IGF2BP2: variants seen among roughly 807,000 people sequenced by gnomAD.
IGF2BP2 encodes insulin-like growth factor 2 mRNA-binding protein 2.
Under a neutral mutation model 75.8 loss-of-function variants are expected in IGF2BP2, and 17 were observed. That is an observed-to-expected ratio of 0.22 (90% CI 0.15 to 0.34). The LOEUF (loss-of-function observed/expected upper bound fraction) is 0.34, where lower values mean the gene tolerates loss of function less well. Ranked by LOEUF, IGF2BP2 falls within the 10% of genes least tolerant of loss-of-function variation. The pLI is 1.00. For missense variants in IGF2BP2, 516 were observed against 772.4 expected, an observed-to-expected ratio of 0.67 and a Z score of 3.93; for synonymous variants, 288 against 295.6, an observed-to-expected ratio of 0.97 and a Z score of 0.26.
At chr3:185,698,106 T>C (rs1390031520) in intron 3 of IGF2BP2, among the ~76,000 whole-genome samples, 193 bp downstream of exon 3, 1 of 152,148 alleles carries the variant, frequency 6.6e-6, no homozygotes, top group African/African-American at 2.4e-5. Context: ...GGGATCAAAG[T>C]ACACATTCTA....
chr3:185,747,251 T>C (rs971964370), intron 2 of IGF2BP2, among the ~76,000 whole-genome samples: 4 of 152,268 alleles, frequency 2.6e-5, no homozygotes, highest in Non-Finnish European at 5.9e-5. Context: ...TGTTAACATA[T>C]TTTAAAGCTC....
intron 4 of IGF2BP2, among the ~76,000 whole-genome samples, chr3:185,695,030 G>A (rs1051505035): frequency 6.6e-6 from 1 of 152,040 alleles, no homozygotes; most frequent in Non-Finnish European, 1.5e-5. Context: ...GAGGTTGCAG[G>A]GAGTAGAGAT....
chr3:185,786,227 C>T (rs1412388127), intron 2 of IGF2BP2, among the ~76,000 whole-genome samples: 1 of 152,066 alleles, frequency 6.6e-6, no homozygotes, highest in Non-Finnish European at 1.5e-5. Flanking sequence ...TCACTCCCCC[C>T]AAGAATCAAT....
At chr3:185,759,780 G>A (rs746409382) in intron 2 of IGF2BP2, among the ~76,000 whole-genome samples, 2 of 152,350 alleles carry the variant, frequency 1.3e-5, no homozygotes, top group Non-Finnish European at 2.9e-5. Flanking sequence ...AATTTCTCAT[G>A]AGCAAGGACT....
intron 2 of IGF2BP2, among the ~76,000 whole-genome samples, chr3:185,715,407 C>T (rs756405156): frequency 2.6e-5 from 4 of 152,206 alleles, no homozygotes; most frequent in African/African-American, 7.2e-5. Flanking sequence ...CGAATCATCA[C>T]GCCCCACACA....
chr3:185,768,092 T>C (rs1733337733), intron 2 of IGF2BP2, among the ~76,000 whole-genome samples: 1 of 152,228 alleles, frequency 6.6e-6, no homozygotes, highest in Non-Finnish European at 1.5e-5. Flanking sequence ...AGAAGGGTAC[T>C]GCTTTGTCTT....
rs71632076 is a variant in IGF2BP2 at position 185,730,428 on chromosome 3, CTTTTTTTTTTTT to C, written c.240-32093_240-32082del. 2.0e-4 allele frequency among the ~76,000 whole-genome samples: 19 copies of C among 96,768 alleles called. No individual in the cohort carries two copies. In the South Asian group the frequency reaches 7.7e-3, roughly 39 times the overall value. The allele number at this position is 96,768 out of a possible 152,430, so 63.5% of individuals were successfully genotyped here. A position where few individuals can be genotyped will look rare whatever the true frequency, so the allele number is the denominator to read the frequency against. ...ATGATAAACATACAAGCGCAGGTGT[CTTTTTTTTTTTT>C]TTTTTTTTTTTGAGACGGAGTTTGA... is the stretch of plus-strand genomic sequence containing the variant. On this transcript the variant is annotated intron_variant, in intron 2 of 15. Transcript: ENST00000382199.
chr3:185,772,728 T>A (rs1204953908), intron 2 of IGF2BP2, among the ~76,000 whole-genome samples: 1 of 152,012 alleles, frequency 6.6e-6, no homozygotes, highest in African/African-American at 2.4e-5. Context: ...ACTACAGGCA[T>A]GCGCCACCAT....
intron 2 of IGF2BP2, among the ~76,000 whole-genome samples, chr3:185,747,329 C>T (rs1440148242): frequency 2.0e-5 from 3 of 152,148 alleles, no homozygotes; most frequent in African/African-American, 4.8e-5. Context: ...CTGTCACCAA[C>T]CCTGGACTTT....
intron 10 of IGF2BP2, among the ~76,000 whole-genome samples, chr3:185,670,268 G>A (rs563061629): frequency 9.9e-4 from 151 of 152,256 alleles, no homozygotes; most frequent in Non-Finnish European, 1.7e-3. Flanking sequence ...CTATTTTCAA[G>A]TTTAGAAAAT....
chr3:185,719,786 A>T (rs1425026409), intron 2 of IGF2BP2, among the ~76,000 whole-genome samples: 1 of 152,134 alleles, frequency 6.6e-6, no homozygotes, highest in Non-Finnish European at 1.5e-5. Flanking sequence ...GTGAGCCGAG[A>T]TCACGCCACT....
intron 2 of IGF2BP2, among the ~76,000 whole-genome samples, chr3:185,720,623 A>G (rs1270107483): frequency 2.0e-5 from 3 of 152,208 alleles, no homozygotes; most frequent in African/African-American, 7.2e-5. Flanking sequence ...GTCTGTTGTG[A>G]TATCTAAGGA....
At chr3:185,713,857 C>G (rs1414389197) in intron 2 of IGF2BP2, among the ~76,000 whole-genome samples, 4 of 152,162 alleles carry the variant, frequency 2.6e-5, no homozygotes, top group Non-Finnish European at 5.9e-5. Context: ...CCCACCACCA[C>G]ACCCGGCTAA....
intron 2 of IGF2BP2, among the ~76,000 whole-genome samples, chr3:185,755,210 G>C (rs1463742850): frequency 2.0e-5 from 3 of 152,212 alleles, no homozygotes; most frequent in Non-Finnish European, 2.9e-5. Context: ...ACCACCTCAG[G>C]AGGCTGCAAC....
intron 2 of IGF2BP2, among the ~76,000 whole-genome samples, chr3:185,776,477 A>T (rs1377120692): frequency 6.6e-6 from 1 of 152,176 alleles, no homozygotes; most frequent in Non-Finnish European, 1.5e-5. Flanking sequence ...ATGGTGGTGC[A>T]ACTGAGATCC....
At chr3:185,741,544 G>A (rs1238276283) in intron 2 of IGF2BP2, among the ~76,000 whole-genome samples, 1 of 152,168 alleles carries the variant, frequency 6.6e-6, no homozygotes, top group Non-Finnish European at 1.5e-5. Flanking sequence ...ACTGCTATTT[G>A]TCATTGTCAA....
chr3:185,705,896 T>G (rs948442667), intron 2 of IGF2BP2, among the ~76,000 whole-genome samples: 5 of 152,198 alleles, frequency 3.3e-5, no homozygotes, highest in Non-Finnish European at 7.3e-5. Context: ...GGTAAGGATT[T>G]CAACATAAGA....
chr3:185,751,656 AAAG>A (rs1354529235), intron 2 of IGF2BP2, among the ~76,000 whole-genome samples: 4 of 150,678 alleles, frequency 2.7e-5, no homozygotes, highest in African/African-American at 9.8e-5. Context: ...AAAAAAAAGA[AAAG>A]AAAGAAACAT....
chr3:185,719,525 T>C (rs1726169809), intron 2 of IGF2BP2, among the ~76,000 whole-genome samples: 1 of 152,056 alleles, frequency 6.6e-6, no homozygotes, highest in South Asian at 2.1e-4. Flanking sequence ...CCAGGAGTGT[T>C]GACTGGGGAG....
Sources: gnomAD v4.1 joint callset for allele counts (sites outside exome capture counted in the v4.1 genomes callset) on GRCh38, gnomAD v4.1.1 for gene constraint, MANE v1.5 for transcripts, NCBI Gene and HGNC (gene_info 2026-07-23, HGNC 2026-07-21) for gene names.